DRC11L: variants seen among roughly 807,000 people sequenced by gnomAD.
DRC11L encodes dynein regulatory complex subunit like-11.
the DRC11L span, chr7:151,202,808 C>T: frequency 5.0e-6 from 2 of 398,212 alleles, no homozygotes; most frequent in African/African-American, 4.1e-5. Context: ...CTGAAATCTA[C>T]AGAATCCAAG....
At chr7:151,191,322 A>G in the DRC11L span, among the ~76,000 whole-genome samples, 1 of 151,766 alleles carries the variant, frequency 6.6e-6, no homozygotes, top group Admixed American at 6.6e-5. Context: ...CTGCATTCCC[A>G]AGGCCATCCT....
chr7:151,192,939 TG>T, the DRC11L span: 1 of 398,416 alleles, frequency 2.5e-6, no homozygotes, highest in East Asian at 3.6e-5. Flanking sequence ...GGGCTGACCT[TG>T]GAGCCCCGTC....
the DRC11L span, chr7:151,194,326 CA>C: frequency 2.5e-6 from 1 of 399,136 alleles, no homozygotes; most frequent in Non-Finnish European, 4.4e-6. Context: ...GCAACTTCTT[CA>C]CCAAACTCAG....
the DRC11L span, chr7:151,204,727 A>G: frequency 2.5e-6 from 1 of 398,902 alleles, no homozygotes; most frequent in African/African-American, 2.1e-5. Context: ...GCGAGCCTGT[A>G]CTGGAAGGAC....
the DRC11L span, chr7:151,192,646 G>A: frequency 2.5e-6 from 1 of 399,044 alleles, no homozygotes; most frequent in Non-Finnish European, 4.4e-6. Context: ...GGCCCCAGTG[G>A]TTGGGGTTTG....
the DRC11L span, chr7:151,200,539 G>A: frequency 5.5e-5 from 22 of 399,170 alleles, no homozygotes; most frequent in East Asian, 1.4e-4. Flanking sequence ...GAGAGGGTCC[G>A]AGAGGGTCAC....
the DRC11L span, chr7:151,191,601 C>T: frequency 0.021 from 8,446 of 399,136 alleles, 126 homozygotes; most frequent in Non-Finnish European, 0.027. Flanking sequence ...TCCCCAAGGG[C>T]GCTGCTTACC....
chr7:151,200,062 C>T, the DRC11L span, among the ~76,000 whole-genome samples: 1 of 152,198 alleles, frequency 6.6e-6, no homozygotes, highest in Non-Finnish European at 1.5e-5. Context: ...TTTATAGCCT[C>T]CTCCCTCTGG....
the DRC11L span, among the ~76,000 whole-genome samples, chr7:151,204,094 A>G: frequency 1.5e-3 from 234 of 152,248 alleles, no homozygotes; most frequent in African/African-American, 4.6e-3. Flanking sequence ...TGTGATGTCA[A>G]TGCTGCTGGT....
the DRC11L span, chr7:151,204,778 C>T: frequency 2.5e-6 from 1 of 399,094 alleles, no homozygotes. Flanking sequence ...AGAAGCTGCT[C>T]TTGGTCCAGC....
the DRC11L span, chr7:151,194,716 TC>T: frequency 2.5e-6 from 1 of 395,480 alleles, no homozygotes; most frequent in African/African-American, 2.1e-5. Flanking sequence ...TATCAGTGGT[TC>T]TCCTGTACAA....
the DRC11L span, chr7:151,204,825 C>T: frequency 1.0e-5 from 4 of 399,092 alleles, no homozygotes; most frequent in East Asian, 1.1e-4. Flanking sequence ...CTCCCAGAGG[C>T]GCTGGTAAGC....
the DRC11L span, chr7:151,197,353 C>T: frequency 7.5e-6 from 3 of 399,038 alleles, no homozygotes; most frequent in Non-Finnish European, 1.3e-5. Flanking sequence ...CAAGACATTT[C>T]AGAGAAGATC....
chr7:151,199,818 C>T, the DRC11L span, among the ~76,000 whole-genome samples: 3 of 152,264 alleles, frequency 2.0e-5, no homozygotes, highest in African/African-American at 4.8e-5. This position sits in a 1 kb window ranked among gnomAD's most constrained non-coding sequence, Gnocchi z 5.2. Flanking sequence ...CCTCCAGGCT[C>T]GGCCTGCCTT....
the DRC11L span, chr7:151,192,535 C>T: frequency 7.3e-5 from 29 of 398,496 alleles, 1 homozygote; most frequent in Admixed American, 1.1e-3. Context: ...TCAGAGCCCA[C>T]CCCACCCTCA....
the DRC11L span, among the ~76,000 whole-genome samples, chr7:151,201,202 G>A: frequency 6.6e-6 from 1 of 152,234 alleles, no homozygotes. This position sits in a 1 kb window ranked among gnomAD's most constrained non-coding sequence, Gnocchi z 4.1. Context: ...CAGGAGCAGG[G>A]ACCGGTTCCT....
At chr7:151,194,804 G>A in the DRC11L span, among the ~76,000 whole-genome samples, 1 of 152,212 alleles carries the variant, frequency 6.6e-6, no homozygotes, top group Non-Finnish European at 1.5e-5. Flanking sequence ...TGTCCCAGGA[G>A]GCAAGCCTCC....
the DRC11L span, chr7:151,191,187 C>A: frequency 5.0e-6 from 2 of 399,618 alleles, no homozygotes; most frequent in African/African-American, 4.1e-5. Flanking sequence ...CTTCTCCTCT[C>A]CTCCTGGGTT....
At chr7:151,194,975 G>A in the DRC11L span, among the ~76,000 whole-genome samples, 1 of 152,192 alleles carries the variant, frequency 6.6e-6, no homozygotes, top group Admixed American at 6.5e-5. Context: ...GTGCTCCTGG[G>A]AGAGACAGAC....
Sources: allele counts gnomAD v4.1 joint callset (sites outside exome capture counted in the v4.1 genomes callset), GRCh38; gene constraint gnomAD v4.1.1; non-coding constraint Gnocchi (gnomAD v3.1); transcripts MANE v1.5; gene names NCBI Gene and HGNC (gene_info 2026-07-23, HGNC 2026-07-21).